The following PCLO variants were observed in gnomAD, a reference collection of about 807,000 sequenced individuals.
PCLO encodes piccolo presynaptic cytomatrix protein.
A neutral mutation model predicts 427.5 loss-of-function variants in PCLO; 82 were observed. That is an observed-to-expected ratio of 0.19 (90% CI 0.16 to 0.23). The LOEUF (loss-of-function observed/expected upper bound fraction) is 0.23. Ranked by LOEUF, PCLO falls within the 10% of genes least tolerant of loss-of-function variation. The pLI, the probability that PCLO is intolerant of heterozygous loss-of-function variation, is 1.00. For missense variants in PCLO, 6,239 were observed against 6,115.9 expected, an observed-to-expected ratio of 1.02 and a Z score of -0.67; for synonymous variants, 2,357 against 2,155.4, an observed-to-expected ratio of 1.09 and a Z score of -2.59.
chr7:83,072,466 C>G (rs1789843199), intron 3 of PCLO, among the ~76,000 whole-genome samples: 1 of 151,744 alleles, frequency 6.6e-6, no homozygotes, highest in African/African-American at 2.4e-5. Flanking sequence ...CTTCTTTTAC[C>G]ACACTCGTCA....
chr7:83,038,023 A>ATATATATATATATATT (rs1562932918), intron 3 of PCLO, among the ~76,000 whole-genome samples: 14 of 52,808 alleles, frequency 2.7e-4, no homozygotes, highest in Non-Finnish European at 3.8e-4. Flanking sequence ...ATATATATAT[A>ATATATATATATATATT]TATATATTTA....
chr7:83,040,192 T>C (rs929142547), intron 3 of PCLO, among the ~76,000 whole-genome samples: 3 of 152,182 alleles, frequency 2.0e-5, no homozygotes, highest in Non-Finnish European at 2.9e-5. Context: ...ACCTGAGTAA[T>C]GATCATTCTT....
chr7:83,040,922 ATTT>A (rs1367171768), intron 3 of PCLO, among the ~76,000 whole-genome samples: 1 of 152,164 alleles, frequency 6.6e-6, no homozygotes, highest in African/African-American at 2.4e-5. Context: ...GTATGTAATT[ATTT>A]TTTGTCAATT....
At chr7:82,939,566 A>C (rs1391151945) in intron 6 of PCLO, among the ~76,000 whole-genome samples, 4 of 151,370 alleles carry the variant, frequency 2.6e-5, no homozygotes, top group African/African-American at 4.8e-5. Flanking sequence ...CATTGGAAAT[A>C]TACATATATA....
chr7:82,916,722 T>G lies in PCLO; in HGVS notation c.11264A>C (p.Asn3755Thr). Residue 3755 changes from asparagine (N) to threonine (T), a missense_variant, in exon 7 of 25, where the codon AAC becomes ACC. Around this residue, in one of 5 missense-constraint regions of PCLO, gnomAD observed 4,677 missense variants for 4,468.4 expected, o/e 1.05. Transcript: ENST00000333891. ...GAGAATCTTGGCTCGTGCCATTGTG[T>G]TGGTTCTGCAGATCCTTCTCCTGGA... ...TVSRRRICRT[N>T]TMARAKILQD... is the part of the protein sequence containing the mutation. The G allele has an allele frequency of 6.2e-7, 1 of 1,613,666 alleles. No homozygotes were observed. Among genetic ancestry groups the G allele is most frequent in the Non-Finnish European group, 8.5e-7 (1 of 1,179,724 alleles).
intron 20 of PCLO, among the ~76,000 whole-genome samples, chr7:82,809,310 C>A (rs1240915412): frequency 1.3e-5 from 2 of 151,736 alleles, no homozygotes; most frequent in Admixed American, 6.6e-5. Context: ...CCTCTCAGTC[C>A]ATTCACTCTG....
intron 10 of PCLO, among the ~76,000 whole-genome samples, chr7:82,857,411 A>G (rs1006363351): frequency 3.9e-5 from 6 of 152,122 alleles, no homozygotes; most frequent in Non-Finnish European, 7.4e-5. Context: ...TGATATTCAT[A>G]TATTCTGTAC....
In PCLO at chr7:82,951,605, G is replaced by A. The variant is rs548739749; in HGVS notation, c.9098-115C>T. ...AATGAGACTGCATGCAAATCCACAG[G>A]GTAACCTAATTATATGCGGAATGAA... On this transcript the variant is annotated intron_variant, in intron 5 of 24. Transcript: ENST00000333891. 422 of 860,700 alleles carry A rather than the reference G, an allele frequency of 4.9e-4. 4 individuals carry two copies. The South Asian group carries it at 7.2e-3, about 15-fold the overall frequency. The allele number at this position is 860,700 out of a possible 1,614,324, so 53.3% of individuals were successfully genotyped here. A position where few individuals can be genotyped will look rare whatever the true frequency, so the allele number is the denominator to read the frequency against.
chr7:82,882,027 C>A (rs990936913), intron 9 of PCLO, among the ~76,000 whole-genome samples: 3 of 151,932 alleles, frequency 2.0e-5, no homozygotes, highest in Non-Finnish European at 2.9e-5. Flanking sequence ...AATAAATAGA[C>A]CCAGGAAAAA....
At chr7:82,907,742 G>A (rs932209747) in intron 8 of PCLO, among the ~76,000 whole-genome samples, 2 of 151,642 alleles carry the variant, frequency 1.3e-5, no homozygotes, top group African/African-American at 4.8e-5. Flanking sequence ...TAGTAGAGAG[G>A]AATTAAAAAG....
chr7:83,045,109 T>C (rs1299771170), intron 3 of PCLO, among the ~76,000 whole-genome samples: 1 of 152,172 alleles, frequency 6.6e-6, no homozygotes, highest in Non-Finnish European at 1.5e-5. Context: ...AAGCAAGGTA[T>C]ATCTGATGCA....
At chr7:82,819,476 A>G (rs1373200183) in intron 20 of PCLO, among the ~76,000 whole-genome samples, 1 of 63,046 alleles carries the variant, frequency 1.6e-5, no homozygotes, top group Admixed American at 1.6e-4. Context: ...TATAATTGAA[A>G]GAATATTTAA....
Position 83,035,627 on chromosome 7 carries a change from CTT to C in PCLO, c.3301-69142_3301-69141del, listed in dbSNP as rs575305043. On this transcript the variant is annotated intron_variant, in intron 3 of 24. Coordinates refer to ENST00000333891, the MANE Select transcript of PCLO (RefSeq NM_033026.6). ...CTAAGACCTTTTTTTAAAATCCAGT[CTT>C]GATCTTACTAGTTACTTTATTAATC... Among the ~76,000 whole-genome samples, 1,286 of 152,168 alleles carry C rather than the reference CTT, an allele frequency of 8.5e-3. 12 individuals carry two copies. Among genetic ancestry groups the C allele is most frequent in the Non-Finnish European group, 0.014 (929 of 67,986 alleles).
intron 7 of PCLO, among the ~76,000 whole-genome samples, chr7:82,911,520 T>A (rs1356202478): frequency 6.6e-6 from 1 of 152,128 alleles, no homozygotes; most frequent in African/African-American, 2.4e-5. Context: ...TCTAGTACTG[T>A]CCGCAGGCTA....
At chr7:82,766,572 C>T (rs1184612893) in intron 22 of PCLO, among the ~76,000 whole-genome samples, 1 of 151,966 alleles carries the variant, frequency 6.6e-6, no homozygotes, top group South Asian at 2.1e-4. Flanking sequence ...TTCTCTCTTG[C>T]TATTTGGAGT....
At chr7:82,785,857 A>G (rs1235054282) in intron 22 of PCLO, among the ~76,000 whole-genome samples, 1 of 152,172 alleles carries the variant, frequency 6.6e-6, no homozygotes, top group Non-Finnish European at 1.5e-5. Flanking sequence ...ATATAACCAG[A>G]TGTAAATTGG....
At chr7:82,961,989 T>C (rs986157684) in intron 4 of PCLO, among the ~76,000 whole-genome samples, 1 of 152,216 alleles carries the variant, frequency 6.6e-6, no homozygotes, top group African/African-American at 2.4e-5. Flanking sequence ...ACACTTTTCA[T>C]ATTGTTACAA....
At chr7:83,088,503 G>A (rs887522462) in intron 3 of PCLO, among the ~76,000 whole-genome samples, 5 of 152,190 alleles carry the variant, frequency 3.3e-5, no homozygotes, top group East Asian at 3.9e-4. Flanking sequence ...TGTTTCTATC[G>A]ATGTTTCCAG....
At chr7:82,761,582 C>T in intron 22 of PCLO, 89 bp from the exon 23 acceptor site, 1 of 910,262 alleles carries the variant, frequency 1.1e-6, no homozygotes, top group Admixed American at 2.4e-5. Context: ...TTCATTTACT[C>T]TTTATCAAGT....
Sources: allele counts gnomAD v4.1 joint callset (sites outside exome capture counted in the v4.1 genomes callset), GRCh38; gene constraint gnomAD v4.1.1; regional missense constraint gnomAD v4.1.1; transcripts MANE v1.5; gene names NCBI Gene and HGNC (gene_info 2026-07-23, HGNC 2026-07-21).